FGF12: variants seen among roughly 807,000 people sequenced by gnomAD.
FGF12 encodes the protein fibroblast growth factor 12B.
FGF12 carries 14 observed loss-of-function variants against 23.6 expected under a neutral mutation model. The ratio of observed to expected loss-of-function variants is 0.59; its 90% CI spans 0.39 to 0.93. The LOEUF is 0.93. Ranked by LOEUF, FGF12 falls within the 40% of genes least tolerant of loss-of-function variation. The pLI is 0.00. For missense variants in FGF12, 175 were observed against 217.8 expected (o/e 0.80, Z 1.24); for synonymous variants, 62 against 77.3 (o/e 0.80, Z 1.04).
At chr3:192,589,388 A>G (rs1713530775) in intron 2 of FGF12, among the ~76,000 whole-genome samples, 6 of 151,754 alleles carry the variant, frequency 4.0e-5, no homozygotes. Context: ...CTGCTACTGG[A>G]TTGTATAACA....
At chr3:192,218,591 G>C (rs1454637185) in intron 4 of FGF12, among the ~76,000 whole-genome samples, 3 of 152,098 alleles carry the variant, frequency 2.0e-5, no homozygotes, top group East Asian at 1.9e-4. Flanking sequence ...TGAGTTTCCT[G>C]AGGCCTCCCC....
At chr3:192,145,020 A>G (rs1275713440) in intron 5 of FGF12, among the ~76,000 whole-genome samples, 3 of 152,186 alleles carry the variant, frequency 2.0e-5, no homozygotes, top group African/African-American at 7.2e-5. Flanking sequence ...CACCTATTAA[A>G]CCATCATTAC....
At chr3:192,554,081 G>A (rs1577050838) in intron 2 of FGF12, among the ~76,000 whole-genome samples, 1 of 152,310 alleles carries the variant, frequency 6.6e-6, no homozygotes, top group Non-Finnish European at 1.5e-5. Context: ...ATTCTGTCTT[G>A]CCTGTCTTGG....
intron 2 of FGF12, among the ~76,000 whole-genome samples, chr3:192,577,999 G>A (rs1006952809): frequency 6.6e-6 from 1 of 152,172 alleles, no homozygotes; most frequent in Non-Finnish European, 1.5e-5. Flanking sequence ...AGATAGCAAG[G>A]TCTAGTGAAA....
chr3:192,592,036 A>G (rs1405410696), intron 2 of FGF12, among the ~76,000 whole-genome samples: 1 of 151,860 alleles, frequency 6.6e-6, no homozygotes, highest in Admixed American at 6.6e-5. Flanking sequence ...TGTAGGCAAT[A>G]CAAATAGGTT....
At chr3:192,620,195 CA>C (rs557646222) in intron 2 of FGF12, among the ~76,000 whole-genome samples, 2 of 151,876 alleles carry the variant, frequency 1.3e-5, no homozygotes, top group South Asian at 2.1e-4. Context: ...CCTGAATTCA[CA>C]AAAAAAATTC....
At chr3:192,308,158 T>A (rs1715748106) in intron 4 of FGF12, among the ~76,000 whole-genome samples, 1 of 152,126 alleles carries the variant, frequency 6.6e-6, no homozygotes, top group Admixed American at 6.5e-5. Flanking sequence ...CTTTTAAGAA[T>A]GAAAACCACT....
chr3:192,549,469 C>G (rs912377235), intron 2 of FGF12, among the ~76,000 whole-genome samples: 2 of 151,860 alleles, frequency 1.3e-5, no homozygotes, highest in Non-Finnish European at 2.9e-5. Flanking sequence ...TATAAAGTGT[C>G]AGATATAGGA....
In FGF12 at chr3:192,141,416, C is replaced by T. The variant is rs2108572527; in HGVS notation, c.*2593G>A. On this transcript the variant is annotated 3_prime_UTR_variant, in exon 6 of 6. Transcript: ENST00000445105. Reference sequence around the variant, plus strand: ...GTTAAGCAAACATTCACCCTTTGCTCTAAGCTACATTTTTTGTCAGGTTTA... The same window carrying T: ...GTTAAGCAAACATTCACCCTTTGCTTTAAGCTACATTTTTTGTCAGGTTTA... 1 of 152,066 alleles carries T rather than the reference C, an allele frequency of 6.6e-6. No individual in the cohort carries two copies. The highest frequency in any genetic ancestry group is 2.1e-4 in the South Asian group (1 of 4,830). The allele number at this position is 152,066 out of a possible 1,614,324, so 9.4% of individuals were successfully genotyped here.
chr3:192,158,623 TTTC>T (rs1714663483), intron 5 of FGF12, among the ~76,000 whole-genome samples: 2 of 87,864 alleles, frequency 2.3e-5, no homozygotes, highest in East Asian at 7.9e-4. Flanking sequence ...TCCTTCTTTC[TTTC>T]TCTCTGTTTT....
chr3:192,343,278 T>A (rs937037929), intron 3 of FGF12, among the ~76,000 whole-genome samples: 1 of 152,180 alleles, frequency 6.6e-6, no homozygotes, highest in Non-Finnish European at 1.5e-5. Flanking sequence ...TCTGTGCATT[T>A]TCAATGTTAG....
intron 2 of FGF12, among the ~76,000 whole-genome samples, chr3:192,712,591 T>C (rs1019115830): frequency 2.0e-5 from 3 of 152,120 alleles, no homozygotes; most frequent in East Asian, 1.9e-4. Context: ...GAAAAAAAGA[T>C]GTTGTAATGG....
chr3:192,618,502 G>A (rs1283013409), intron 2 of FGF12, among the ~76,000 whole-genome samples: 1 of 152,122 alleles, frequency 6.6e-6, no homozygotes, highest in East Asian at 1.9e-4. Context: ...CAGTATGATA[G>A]ACAAGATGAG....
intron 2 of FGF12, among the ~76,000 whole-genome samples, chr3:192,605,122 T>C (rs1378472826): frequency 6.6e-6 from 1 of 152,150 alleles, no homozygotes; most frequent in Non-Finnish European, 1.5e-5. Flanking sequence ...CTCACACCTT[T>C]AATTCCAGCA....
intron 3 of FGF12, among the ~76,000 whole-genome samples, chr3:192,356,929 T>G (rs116053322): frequency 0.012 from 1,837 of 152,300 alleles, 37 homozygotes; most frequent in Middle Eastern, 0.054. Context: ...ATATGTAAAA[T>G]TATTTGTTTT....
chr3:192,329,250 T>C (rs1017031030), intron 4 of FGF12, among the ~76,000 whole-genome samples: 4 of 152,114 alleles, frequency 2.6e-5, no homozygotes, highest in Non-Finnish European at 5.9e-5. Flanking sequence ...GGATGGACAA[T>C]GGAGACAGGT....
intron 2 of FGF12, among the ~76,000 whole-genome samples, chr3:192,526,653 C>T (rs1476843308): frequency 6.6e-6 from 1 of 152,146 alleles, no homozygotes; most frequent in Non-Finnish European, 1.5e-5. Context: ...ATTACTATTT[C>T]TGCCTTTCGC....
intron 2 of FGF12, among the ~76,000 whole-genome samples, chr3:192,365,300 G>A (rs1458331956): frequency 1.3e-5 from 2 of 148,378 alleles, no homozygotes; most frequent in Non-Finnish European, 3.0e-5. Flanking sequence ...TGAAGAAAAC[G>A]AATGTCTAGG....
At chr3:192,562,413 G>T (rs1712081023) in intron 2 of FGF12, among the ~76,000 whole-genome samples, 1 of 151,978 alleles carries the variant, frequency 6.6e-6, no homozygotes, top group African/African-American at 2.4e-5. Flanking sequence ...GAAACACAAA[G>T]AATGCATGTA....
Sources: allele counts gnomAD v4.1 joint callset (sites outside exome capture counted in the v4.1 genomes callset), GRCh38; gene constraint gnomAD v4.1.1; transcripts MANE v1.5; gene names NCBI Gene and HGNC (gene_info 2026-07-23, HGNC 2026-07-21).